The following SPTLC1 variants were observed in gnomAD, a reference collection of about 807,000 sequenced individuals.
SPTLC1 encodes the protein serine palmitoyltransferase long chain base subunit 1.
A neutral mutation model predicts 68.9 loss-of-function variants in SPTLC1; 55 were observed. That is an observed-to-expected ratio of 0.80 (90% CI 0.64 to 1.00). SPTLC1 has a LOEUF of 1.00. Among genes scored for constraint, SPTLC1 ranks in the 50% least tolerant of loss-of-function variants. The probability of loss-of-function intolerance (pLI) is 0.00; values close to 1 mark genes in which losing one functional copy is unlikely to be tolerated. For synonymous variants in SPTLC1, 197 were observed against 201.6 expected (o/e 0.98, Z 0.19); for missense variants, 449 against 573.1 (o/e 0.78, Z 2.21).
chr9:92,087,294 G>A (rs376416327), intron 3 of SPTLC1, among the ~76,000 whole-genome samples: 21 of 152,284 alleles, frequency 1.4e-4, no homozygotes, highest in African/African-American at 4.1e-4. Flanking sequence ...GAGGAACTGC[G>A]TTCCTTTGGA....
chr9:92,066,696 A>G (rs1294483288), intron 6 of SPTLC1, among the ~76,000 whole-genome samples: 2 of 152,250 alleles, frequency 1.3e-5, no homozygotes, highest in Non-Finnish European at 2.9e-5. Context: ...TTACATTTTA[A>G]AAAGATTACT....
At chr9:92,115,230 G>A in intron 1 of SPTLC1, 84 bp downstream of exon 1, 1 of 1,383,808 alleles carries the variant, frequency 7.2e-7, no homozygotes, top group Non-Finnish European at 1.0e-6. Flanking sequence ...TCCCGCCGAG[G>A]TCTCAGGCCA....
chr9:92,062,755 G>A (rs1485840460), intron 6 of SPTLC1, among the ~76,000 whole-genome samples: 1 of 152,092 alleles, frequency 6.6e-6, no homozygotes, highest in Non-Finnish European at 1.5e-5. Flanking sequence ...AGAATCCATT[G>A]AGCCCAGGAG....
chr9:92,087,823 T>C (rs1835208549), intron 3 of SPTLC1, among the ~76,000 whole-genome samples: 1 of 152,364 alleles, frequency 6.6e-6, no homozygotes, highest in Admixed American at 6.5e-5. Context: ...GCTGTCTTTT[T>C]GTTTGTCTGT....
At chr9:92,048,668 G>A (rs1352940345) in intron 9 of SPTLC1, among the ~76,000 whole-genome samples, 1 of 152,078 alleles carries the variant, frequency 6.6e-6, no homozygotes, top group African/African-American at 2.4e-5. Context: ...ATTGCACTGT[G>A]TATTTCTAAA....
At chr9:92,054,494 A>G (rs1334289399) in intron 8 of SPTLC1, among the ~76,000 whole-genome samples, 3 of 152,226 alleles carry the variant, frequency 2.0e-5, no homozygotes, top group Non-Finnish European at 2.9e-5. Flanking sequence ...AATATTCCGT[A>G]TCTTGACTGT....
At chr9:92,107,555 A>C (rs1468903038) in intron 3 of SPTLC1, among the ~76,000 whole-genome samples, 1 of 152,236 alleles carries the variant, frequency 6.6e-6, no homozygotes, top group Non-Finnish European at 1.5e-5. Context: ...AATCGAGACC[A>C]TCCTGGCTAA....
intron 5 of SPTLC1, among the ~76,000 whole-genome samples, chr9:92,075,525 C>T (rs925207388): frequency 1.2e-4 from 18 of 152,178 alleles, no homozygotes; most frequent in African/African-American, 3.1e-4. Context: ...CGCAGGGCTG[C>T]GCTGTAGGAA....
At chr9:92,106,621 G>T (rs1293127971) in intron 3 of SPTLC1, among the ~76,000 whole-genome samples, 1 of 151,910 alleles carries the variant, frequency 6.6e-6, no homozygotes, top group Non-Finnish European at 1.5e-5. Flanking sequence ...CTCGGCCCAC[G>T]TGCTGTTGGG....
At chr9:92,079,667 G>A in intron 5 of SPTLC1, 3 of 1,058,090 alleles carry the variant, frequency 2.8e-6, no homozygotes, top group Non-Finnish European at 3.0e-6. Flanking sequence ...CCCCTGCGTG[G>A]CTAGTCATGG....
chr9:92,071,795 G>A (rs980908988), intron 5 of SPTLC1, among the ~76,000 whole-genome samples: 13 of 152,286 alleles, frequency 8.5e-5, no homozygotes, highest in South Asian at 6.2e-4. Flanking sequence ...GAAGAAAAAC[G>A]GCTAGTACCT....
chr9:92,095,029 G>T (rs1471386944), intron 3 of SPTLC1, among the ~76,000 whole-genome samples: 2 of 152,144 alleles, frequency 1.3e-5, no homozygotes, highest in African/African-American at 4.8e-5. Flanking sequence ...TAGAATCAAT[G>T]TAACAGAGTA....
At chr9:92,071,542 T>G (rs1424068908) in intron 5 of SPTLC1, among the ~76,000 whole-genome samples, 3 of 152,254 alleles carry the variant, frequency 2.0e-5, no homozygotes, top group Admixed American at 6.5e-5. Flanking sequence ...GTATCTTATG[T>G]GATCCTTAGC....
At chr9:92,067,722 G>A (rs1323177492) in intron 6 of SPTLC1, among the ~76,000 whole-genome samples, 2 of 152,218 alleles carry the variant, frequency 1.3e-5, no homozygotes, top group African/African-American at 4.8e-5. Context: ...AAAGAAGGCA[G>A]ATAGCTGTCC....
chr9:92,046,366 A>C, intron 11 of SPTLC1: 1 of 301,828 alleles, frequency 3.3e-6, no homozygotes, highest in East Asian at 6.1e-5. Context: ...TTTATTGCTT[A>C]TTTCTTTATC....
chr9:92,073,881 T>G (rs1834583998), intron 5 of SPTLC1, among the ~76,000 whole-genome samples: 2 of 152,182 alleles, frequency 1.3e-5, no homozygotes, highest in Admixed American at 1.3e-4. Context: ...TAACTGCCCC[T>G]CTGGGACCTT....
chr9:92,041,345 AT>A (rs1833344717), intron 12 of SPTLC1, among the ~76,000 whole-genome samples: 1 of 152,262 alleles, frequency 6.6e-6, no homozygotes, highest in East Asian at 1.9e-4. Flanking sequence ...CAAAAGCTAA[AT>A]GTAAGAAGCT....
intron 6 of SPTLC1, 49 bp downstream of exon 6, chr9:92,067,917 T>C: frequency 6.3e-7 from 1 of 1,579,718 alleles, no homozygotes; most frequent in Non-Finnish European, 8.7e-7. Context: ...AGACAGTCAG[T>C]ATTATTTCAA....
intron 1 of SPTLC1, 27 bp downstream of exon 1, chr9:92,115,287 G>A (rs1165794579): frequency 2.5e-6 from 4 of 1,610,378 alleles, no homozygotes; most frequent in African/African-American, 1.3e-5. Context: ...GGGTGTGGTC[G>A]CGGACCGCTA....
Sources: allele counts gnomAD v4.1 joint callset (sites outside exome capture counted in the v4.1 genomes callset), GRCh38; gene constraint gnomAD v4.1.1; transcripts MANE v1.5; gene names NCBI Gene and HGNC (gene_info 2026-07-23, HGNC 2026-07-21).